The following MAP3K5 variants were observed in gnomAD, a reference collection of about 807,000 sequenced individuals.
The protein encoded by MAP3K5 is ASK-1.
A neutral mutation model predicts 158.7 loss-of-function variants in MAP3K5; 56 were observed. The ratio of observed to expected loss-of-function variants is 0.35; its 90% confidence interval spans 0.28 to 0.44. The LOEUF is 0.44. MAP3K5 is among the 20% of genes least tolerant of loss of function. The pLI is 1.00. For synonymous variants in MAP3K5, 579 were observed against 601.7 expected, an observed-to-expected ratio of 0.96 and a Z score of 0.55; for missense variants, 1,294 against 1,674.8, an observed-to-expected ratio of 0.77 and a Z score of 3.97.
intron 19 of MAP3K5, 79 bp from the exon 20 acceptor site, chr6:136,602,058 AC>A (rs1775902033): frequency 8.0e-6 from 9 of 1,119,110 alleles, no homozygotes; most frequent in East Asian, 2.4e-5. Context: ...CCATAACTTG[AC>A]CCCCCAATGC....
At chr6:136,716,011 C>G (rs1408547098) in intron 2 of MAP3K5, among the ~76,000 whole-genome samples, 5 of 42,936 alleles carry the variant, frequency 1.2e-4, no homozygotes, top group Non-Finnish European at 2.4e-4. Context: ...GCCCGGGTGA[C>G]AAAGCAAGAT....
chr6:136,562,405 A>G (rs900153442), intron 27 of MAP3K5, 98 bp downstream of exon 27: 5 of 564,884 alleles, frequency 8.9e-6, no homozygotes, highest in Non-Finnish European at 1.6e-5. Context: ...GAAGTGAGAA[A>G]TGCTGACTTA....
At chr6:136,579,206 C>T (rs955518336) in intron 25 of MAP3K5, among the ~76,000 whole-genome samples, 1 of 152,154 alleles carries the variant, frequency 6.6e-6, no homozygotes, top group Non-Finnish European at 1.5e-5. Flanking sequence ...TACCTACCTA[C>T]ATACTCATCC....
At chr6:136,600,187 A>AT (rs907571176) in intron 21 of MAP3K5, among the ~76,000 whole-genome samples, 8,576 of 132,706 alleles carry the variant, frequency 0.065, 698 homozygotes, top group African/African-American at 0.18. Flanking sequence ...CATGCTGTTA[A>AT]TTTTTTTTTT....
At chr6:136,770,878 T>G (rs1784170240) in intron 1 of MAP3K5, among the ~76,000 whole-genome samples, 1 of 152,120 alleles carries the variant, frequency 6.6e-6, no homozygotes, top group Admixed American at 6.6e-5. Flanking sequence ...ACACAAAAAT[T>G]ATCATAAACA....
chr6:136,614,387 T>C (rs536520328), intron 15 of MAP3K5, 101 bp from the exon 16 acceptor site: 2 of 1,344,340 alleles, frequency 1.5e-6, no homozygotes, highest in African/African-American at 1.5e-5. Context: ...TATATGTCCA[T>C]ATGTAAAACC....
At chr6:136,674,397 G>C (rs902991141) in intron 7 of MAP3K5, among the ~76,000 whole-genome samples, 14 of 151,918 alleles carry the variant, frequency 9.2e-5, no homozygotes, top group African/African-American at 3.4e-4. Context: ...ATGTAAGGTA[G>C]ACTATAAAAG....
chr6:136,684,804 C>T (rs1027039073), intron 7 of MAP3K5, among the ~76,000 whole-genome samples: 1 of 152,092 alleles, frequency 6.6e-6, no homozygotes, highest in Non-Finnish European at 1.5e-5. Context: ...AATGCCACAG[C>T]CTTTTAAATA....
At chr6:136,661,613 G>A (rs773872328) in intron 8 of MAP3K5, among the ~76,000 whole-genome samples, 5 of 152,020 alleles carry the variant, frequency 3.3e-5, no homozygotes, top group Admixed American at 2.6e-4. Flanking sequence ...TTGCCCAGCC[G>A]AACTCCTGGG....
intron 21 of MAP3K5, among the ~76,000 whole-genome samples, chr6:136,599,422 C>T (rs1223050936): frequency 6.6e-6 from 1 of 152,152 alleles, no homozygotes; most frequent in Non-Finnish European, 1.5e-5. Context: ...CCATCTCACG[C>T]TCACCCCAAG....
At chr6:136,756,038 T>C (rs1241849982) in intron 1 of MAP3K5, among the ~76,000 whole-genome samples, 1 of 151,812 alleles carries the variant, frequency 6.6e-6, no homozygotes, top group Non-Finnish European at 1.5e-5. Context: ...GCTAGAAATA[T>C]GTACTTGAAA....
intron 26 of MAP3K5, among the ~76,000 whole-genome samples, chr6:136,567,054 A>G (rs13193586): frequency 0.044 from 6,702 of 152,316 alleles, 206 homozygotes; most frequent in Middle Eastern, 0.11. Flanking sequence ...AAAGAACAGG[A>G]AACATTTGCT....
chr6:136,644,241 G>A (rs544185762), intron 11 of MAP3K5, among the ~76,000 whole-genome samples: 1 of 152,266 alleles, frequency 6.6e-6, no homozygotes, highest in African/African-American at 2.4e-5. Context: ...GCCAGGGAAC[G>A]TTCCATTTCA....
In MAP3K5 at chr6:136,791,783, G is replaced by A. The variant is rs1785087503; in HGVS notation, c.375C>T (p.Ala125=). 1 of 1,613,626 alleles carries A rather than the reference G, an allele frequency of 6.2e-7. No homozygotes were observed. The highest frequency in any genetic ancestry group is 8.5e-7 in the Non-Finnish European group (1 of 1,180,020). The change falls in exon 1 of 30, where the codon GCC becomes GCT. Residue 125 remains alanine (A), a synonymous_variant. Coordinates refer to ENST00000359015, the MANE Select transcript of MAP3K5 (RefSeq NM_005923.4). ...SLREACETVG[A]TLETLHFGKL... ...TCCCAAAATGCAGGGTTTCCAGGGT[G>A]GCGCCCACTGTCTCGCACGCCTCCC...
At chr6:136,739,246 C>T (rs561797350) in intron 1 of MAP3K5, among the ~76,000 whole-genome samples, 5 of 152,304 alleles carry the variant, frequency 3.3e-5, no homozygotes, top group African/African-American at 1.2e-4. Context: ...CATGGTGTCG[C>T]TCCTGCCTGC....
chr6:136,690,316 GT>G (rs549291320), intron 7 of MAP3K5, among the ~76,000 whole-genome samples: 12 of 151,280 alleles, frequency 7.9e-5, no homozygotes, highest in Middle Eastern at 3.4e-3. Context: ...CTTTTTTAAA[GT>G]TTTTTTTTAT....
intron 7 of MAP3K5, among the ~76,000 whole-genome samples, chr6:136,670,139 T>C (rs1779420315): frequency 6.6e-6 from 1 of 152,124 alleles, no homozygotes; most frequent in African/African-American, 2.4e-5. Context: ...CTCAGAGAGT[T>C]ATAAAAAGAC....
chr6:136,728,463 CAAG>C (rs1473085346), intron 1 of MAP3K5, among the ~76,000 whole-genome samples: 5 of 152,120 alleles, frequency 3.3e-5, no homozygotes, highest in Non-Finnish European at 7.4e-5. Flanking sequence ...TTGAAATTTT[CAAG>C]AAGGACATAA....
chr6:136,759,761 ATT>A (rs11317822), intron 1 of MAP3K5, among the ~76,000 whole-genome samples: 24,041 of 100,064 alleles, frequency 0.24, 2,670 homozygotes, highest in East Asian at 0.35. Flanking sequence ...CCAGCCCTCT[ATT>A]TTTTTTTTTT....
Sources: allele counts gnomAD v4.1 joint callset (sites outside exome capture counted in the v4.1 genomes callset), GRCh38; gene constraint gnomAD v4.1.1; transcripts MANE v1.5; gene names NCBI Gene and HGNC (gene_info 2026-07-23, HGNC 2026-07-21).